The following GRM8 variants were observed in gnomAD, a reference collection of about 807,000 sequenced individuals.
GRM8 encodes metabotropic glutamate receptor 8.
Under a neutral mutation model 87.2 loss-of-function variants are expected in GRM8, and 47 were observed. The ratio of observed to expected loss-of-function variants is 0.54; its 90% CI spans 0.43 to 0.69. The LOEUF is 0.69. Ranked by LOEUF, GRM8 falls within the 30% of genes least tolerant of loss-of-function variation. The probability of loss-of-function intolerance (pLI) is 0.00; values close to 1 mark genes in which losing one functional copy is unlikely to be tolerated. For synonymous variants in GRM8, 396 were observed against 404.5 expected (o/e 0.98, Z 0.25); for missense variants, 1,019 against 1,139.2 (o/e 0.89, Z 1.52).
intron 2 of GRM8, among the ~76,000 whole-genome samples, chr7:127,152,252 C>T (rs1430478203): frequency 6.6e-6 from 1 of 151,970 alleles, no homozygotes; most frequent in Admixed American, 6.6e-5. Flanking sequence ...ACTCATTTTC[C>T]TCATTTCAAT....
chr7:126,941,459 A>AG (rs1806926530), intron 3 of GRM8, among the ~76,000 whole-genome samples: 1 of 151,020 alleles, frequency 6.6e-6, no homozygotes, highest in Non-Finnish European at 1.5e-5. Flanking sequence ...AAAAAAAAAA[A>AG]AATACAAAAT....
At chr7:126,456,655 T>C (rs1803281406) in intron 9 of GRM8, among the ~76,000 whole-genome samples, 1 of 150,866 alleles carries the variant, frequency 6.6e-6, no homozygotes, top group Admixed American at 6.6e-5. Context: ...AAAGGGATAT[T>C]GCTGAGGAGG....
chr7:126,446,125 C>G lies in GRM8; in HGVS notation c.2677+1G>C, dbSNP rs1801991917. ...CATCGGAAACTCTACAGATGACTTACTGTTGGTTTCAAGACTCTCACAGAG... is the reference window on the plus strand; with the variant it reads ...CATCGGAAACTCTACAGATGACTTAGTGTTGGTTTCAAGACTCTCACAGAG... On this transcript the variant is annotated splice_donor_variant, in intron 10 of 10. Transcript: ENST00000339582. LOFTEE classifies it high-confidence loss of function. 1 of 1,612,612 alleles carries G rather than the reference C, an allele frequency of 6.2e-7. No homozygotes were observed. The highest frequency in any genetic ancestry group is 8.5e-7 in the Non-Finnish European group (1 of 1,178,924).
intron 8 of GRM8, among the ~76,000 whole-genome samples, chr7:126,557,782 T>C (rs184276404): frequency 1.2e-4 from 19 of 152,278 alleles, no homozygotes; most frequent in African/African-American, 4.1e-4. Flanking sequence ...AAAGTACGTA[T>C]ATATGTATGT....
chr7:126,856,516 G>A (rs1325627059), intron 6 of GRM8, among the ~76,000 whole-genome samples: 1 of 152,126 alleles, frequency 6.6e-6, no homozygotes, highest in Non-Finnish European at 1.5e-5. Context: ...CAGTAGCCTT[G>A]GGGATGAGTT....
intron 7 of GRM8, among the ~76,000 whole-genome samples, chr7:126,757,596 T>A (rs1232075110): frequency 6.6e-6 from 1 of 152,204 alleles, no homozygotes; most frequent in Admixed American, 6.5e-5. Context: ...GACTTTTAAG[T>A]AGTTCTGTCA....
chr7:127,044,958 A>G (rs936744651), intron 3 of GRM8, among the ~76,000 whole-genome samples: 2 of 152,344 alleles, frequency 1.3e-5, no homozygotes, highest in South Asian at 4.1e-4. Context: ...ATTTTAAAAA[A>G]GTTGCAAATG....
chr7:126,583,846 T>C (rs925014618), intron 8 of GRM8, among the ~76,000 whole-genome samples: 1 of 152,228 alleles, frequency 6.6e-6, no homozygotes, highest in African/African-American at 2.4e-5. Context: ...AAATATTACA[T>C]AAACACAGTT....
intron 3 of GRM8, among the ~76,000 whole-genome samples, chr7:126,930,852 T>C (rs1389628835): frequency 3.3e-5 from 5 of 152,224 alleles, no homozygotes; most frequent in Non-Finnish European, 7.3e-5. Context: ...CTCTTTGCTA[T>C]GCCCTGGCCT....
At chr7:126,510,055 G>C (rs189799966) in intron 9 of GRM8, among the ~76,000 whole-genome samples, 3 of 152,108 alleles carry the variant, frequency 2.0e-5, no homozygotes, top group Admixed American at 2.0e-4. Flanking sequence ...ACATGCACCT[G>C]TAGCAATACT....
At chr7:127,150,233 A>G (rs1354095043) in intron 2 of GRM8, among the ~76,000 whole-genome samples, 2 of 152,090 alleles carry the variant, frequency 1.3e-5, no homozygotes, top group Non-Finnish European at 2.9e-5. Flanking sequence ...GAGGGCTCAT[A>G]TGAAAGAAAA....
intron 3 of GRM8, among the ~76,000 whole-genome samples, chr7:127,034,970 C>T (rs1208471136): frequency 1.3e-5 from 2 of 151,934 alleles, no homozygotes; most frequent in Non-Finnish European, 1.5e-5. Flanking sequence ...TTTTTAAAAG[C>T]TAGGAAAGTG....
intron 9 of GRM8, among the ~76,000 whole-genome samples, chr7:126,530,349 G>T (rs1212375455): frequency 6.6e-6 from 1 of 152,222 alleles, no homozygotes; most frequent in African/African-American, 2.4e-5. Flanking sequence ...AGAATGCACA[G>T]TTCTATTGTT....
chr7:126,562,441 C>G (rs563071824), intron 8 of GRM8, among the ~76,000 whole-genome samples: 12 of 152,178 alleles, frequency 7.9e-5, no homozygotes, highest in South Asian at 2.1e-4. Context: ...GTCCTGGGAT[C>G]AGGAATGTCT....
chr7:126,567,543 AACTT>A (rs1419198053), intron 8 of GRM8, among the ~76,000 whole-genome samples: 1 of 152,164 alleles, frequency 6.6e-6, no homozygotes, highest in Non-Finnish European at 1.5e-5. Context: ...TGTACCCTAA[AACTT>A]AAATAATAAA....
intron 7 of GRM8, among the ~76,000 whole-genome samples, chr7:126,650,484 G>A (rs1370387518): frequency 6.6e-6 from 1 of 152,122 alleles, no homozygotes; most frequent in Non-Finnish European, 1.5e-5. Context: ...CTTCCCCTGT[G>A]GGCAGAACTT....
intron 3 of GRM8, among the ~76,000 whole-genome samples, chr7:126,965,783 C>T (rs747060039): frequency 1.3e-4 from 20 of 152,112 alleles, no homozygotes; most frequent in Non-Finnish European, 2.1e-4. Context: ...ACTGACCCCA[C>T]ACTCTGAGTC....
At chr7:127,095,776 T>C (rs531351439) in intron 3 of GRM8, 1 of 152,312 alleles carries the variant, frequency 6.6e-6, no homozygotes, top group South Asian at 2.1e-4. Context: ...GGGCAATGCC[T>C]CTAAATGATG....
intron 7 of GRM8, among the ~76,000 whole-genome samples, chr7:126,756,018 C>T (rs1816966400): frequency 6.6e-6 from 1 of 151,720 alleles, no homozygotes; most frequent in African/African-American, 2.4e-5. Context: ...TTCCTTCAGT[C>T]CCAACAATCA....
Sources: gnomAD v4.1 joint callset for allele counts (sites outside exome capture counted in the v4.1 genomes callset) on GRCh38, gnomAD v4.1.1 for gene constraint, MANE v1.5 for transcripts, NCBI Gene and HGNC (gene_info 2026-07-23, HGNC 2026-07-21) for gene names.